NCAPD3: variants seen among roughly 807,000 people sequenced by gnomAD.
The protein encoded by NCAPD3 is non-SMC condensin II complex subunit D3.
A neutral mutation model predicts 182.9 loss-of-function variants in NCAPD3; 105 were observed. The observed-to-expected ratio is 0.57, with a 90% CI of 0.49 to 0.68. NCAPD3 has a LOEUF of 0.68. Ranked by LOEUF, NCAPD3 falls within the 30% of genes least tolerant of loss-of-function variation. The pLI is 0.00. For synonymous variants in NCAPD3, 815 were observed against 679.9 expected (o/e 1.20, Z -3.09); for missense variants, 1,944 against 1,837.0 (o/e 1.06, Z -1.07).
upstream of NCAPD3, chr11:134,225,219 A>G (rs759127190): frequency 6.2e-7 from 1 of 1,614,030 alleles, no homozygotes; most frequent in Non-Finnish European, 8.5e-7. Context: ...GGAGGACGGG[A>G]AGAAGGAGAA....
At chr11:134,205,852 A>G (rs1409884536) in intron 8 of NCAPD3, among the ~76,000 whole-genome samples, 1 of 152,208 alleles carries the variant, frequency 6.6e-6, no homozygotes, top group East Asian at 1.9e-4. Context: ...GTCCTTAGTG[A>G]GAGACATTTG....
intron 20 of NCAPD3, among the ~76,000 whole-genome samples, chr11:134,179,954 T>C (rs916851339): frequency 4.0e-5 from 6 of 151,766 alleles, no homozygotes; most frequent in Non-Finnish European, 7.4e-5. Context: ...AAACTATGTA[T>C]ATAGGGCAAA....
intron 3 of NCAPD3, 45 bp from the exon 4 acceptor site, chr11:134,210,499 T>G: frequency 1.3e-6 from 2 of 1,511,820 alleles, no homozygotes; most frequent in South Asian, 2.3e-5. Flanking sequence ...TTTAATTGTC[T>G]TGAAATATAT....
chr11:134,178,401 C>T (rs1591838071), intron 22 of NCAPD3: 1 of 363,476 alleles, frequency 2.8e-6, no homozygotes, highest in Admixed American at 4.5e-5. Context: ...TCCCTCTAGA[C>T]CCTCTAGAGA....
chr11:134,207,469 T>C (rs1591858589), intron 7 of NCAPD3, among the ~76,000 whole-genome samples: 2 of 152,040 alleles, frequency 1.3e-5, no homozygotes, highest in South Asian at 2.1e-4. Flanking sequence ...AAATACCGAC[T>C]GGGCGCAGTG....
Position 134,150,477 on chromosome 11 carries a change from G to A in NCAPD3, c.*2467C>T, listed in dbSNP as rs889044984. ...ATCCTTGGGCCCTGGCAGTGGCTGT[G>A]TCCCAGTGAGCTTTACTCACGTGGC... is the stretch of plus-strand genomic sequence containing the variant. On this transcript the variant is annotated 3_prime_UTR_variant, in exon 35 of 35. Coordinates refer to ENST00000534548, the MANE Select transcript of NCAPD3 (RefSeq NM_015261.3). The A allele has an allele frequency of 3.3e-5, 5 of 152,222 alleles. No homozygotes were observed. The highest frequency in any genetic ancestry group is 1.2e-4 in the African/African-American group (5 of 41,454). The allele number at this position is 152,222 out of a possible 1,614,324, so 9.4% of individuals were successfully genotyped here. A position where few individuals can be genotyped will look rare whatever the true frequency, so the allele number is the denominator to read the frequency against.
At chr11:134,154,807 C>T (rs1943374148) in intron 32 of NCAPD3, among the ~76,000 whole-genome samples, 1 of 152,220 alleles carries the variant, frequency 6.6e-6, no homozygotes, top group South Asian at 2.1e-4. Context: ...TGTGTCTTCC[C>T]ATTTACAGTT....
Position 134,153,195 on chromosome 11 carries a change from T to A in NCAPD3, c.4333A>T (p.Ile1445Phe), listed in dbSNP as rs1446917443. Residue 1445 changes from isoleucine to phenylalanine, a missense_variant, in exon 34 of 35, where the codon ATT (isoleucine) becomes TTT (phenylalanine). Physicochemically the swap from Ile to Phe is conservative, Grantham distance 21 (BLOSUM62 0). Transcript: ENST00000534548. ...PRTPSSAKEK[I>F]EGRSQGNDIL... is the part of the protein sequence containing the mutation. Reference sequence around the variant, plus strand: ...TCATTTCCTTGACTCCGGCCTTCAATTTTCTCTAAAAGGGAGTCAAACAAA... The same window carrying A: ...TCATTTCCTTGACTCCGGCCTTCAAATTTCTCTAAAAGGGAGTCAAACAAA... 6.2e-7 allele frequency: 1 copy of A among 1,614,136 alleles called. No homozygotes were observed. The highest frequency in any genetic ancestry group is 1.7e-5 in the Admixed American group (1 of 60,024).
chr11:134,184,594 G>A (rs1350828471), intron 19 of NCAPD3, 43 bp downstream of exon 19: 1 of 1,373,876 alleles, frequency 7.3e-7, no homozygotes, highest in Non-Finnish European at 1.0e-6. Context: ...AACATCCTAA[G>A]CTCAAAGAAG....
chr11:134,204,131 G>T lies in NCAPD3; in HGVS notation c.1130C>A (p.Ser377Tyr), dbSNP rs1191215356. The change falls in exon 10 of 35, where the codon TCC (serine) becomes TAC (tyrosine). Residue 377 changes from serine to tyrosine, a missense_variant. Physicochemically the swap from Ser to Tyr is moderately radical, Grantham distance 144 (BLOSUM62 -2). This residue lies in a region of NCAPD3 where 1,803 missense variants were observed against 1,674.6 expected (regional missense o/e 1.08). Coordinates refer to ENST00000534548, the MANE Select transcript of NCAPD3 (RefSeq NM_015261.3). This position sits in a 1 kb window ranked among gnomAD's most constrained non-coding sequence, Gnocchi z 4.3. ...KSEYRTFAAQ[S>Y]LVQLLSKLPC... ...AAGTTTACTGAGCAGCTGGACTAGG[G>T]ACTGGGCTGCAAAAGTACGATACTC... is the stretch of plus-strand genomic sequence containing the variant. 1 of 1,613,922 alleles carries T rather than the reference G, an allele frequency of 6.2e-7. No individual in the cohort carries two copies. The highest frequency in any genetic ancestry group is 1.3e-5 in the African/African-American group (1 of 74,916).
chr11:134,218,816 TG>T (rs1938121563), intron 2 of NCAPD3, among the ~76,000 whole-genome samples: 1 of 152,154 alleles, frequency 6.6e-6, no homozygotes, highest in African/African-American at 2.4e-5. Context: ...TCATAACACC[TG>T]GATCACCAAT....
chr11:134,223,499 C>T, intron 1 of NCAPD3: 4 of 702,128 alleles, frequency 5.7e-6, no homozygotes, highest in Non-Finnish European at 1.0e-5. Flanking sequence ...ACATGAAGTT[C>T]AAGAAATAAG....
chr11:134,208,255 GTTTCA>G (rs1937693695), intron 7 of NCAPD3, among the ~76,000 whole-genome samples: 1 of 152,130 alleles, frequency 6.6e-6, no homozygotes, highest in African/African-American at 2.4e-5. Flanking sequence ...AAATCTTATT[GTTTCA>G]TTTAAGACAT....
intron 13 of NCAPD3, among the ~76,000 whole-genome samples, chr11:134,202,094 T>C (rs1241792498): frequency 6.6e-6 from 1 of 152,240 alleles, no homozygotes; most frequent in Non-Finnish European, 1.5e-5. Context: ...CACAGACTTG[T>C]GCATCTCCAA....
chr11:134,158,233 A>G, intron 30 of NCAPD3, 96 bp downstream of exon 30: 1 of 1,553,400 alleles, frequency 6.4e-7, no homozygotes, highest in Non-Finnish European at 8.8e-7. Context: ...AGACAATGAC[A>G]ATGACTTTCC....
At chr11:134,158,212 G>C in intron 30 of NCAPD3, 117 bp downstream of exon 30, 1 of 1,527,256 alleles carries the variant, frequency 6.5e-7, no homozygotes, top group South Asian at 1.2e-5. Flanking sequence ...TGTGGAGCGG[G>C]GTGGCAGGCC....
chr11:134,168,080 T>C lies in NCAPD3; in HGVS notation c.3489A>G (p.Pro1163=). 1.2e-6 allele frequency: 2 copies of C among 1,614,182 alleles called. No homozygotes were observed. Among genetic ancestry groups the C allele is most frequent in the Non-Finnish European group, 1.7e-6 (2 of 1,180,004 alleles). The change falls in exon 27 of 35, where the codon CCA becomes CCG. Residue 1163 remains proline, a synonymous_variant. Transcript: ENST00000534548. ...CTTCTTCCATAAGGAGGTCTTTGTC[T>C]GGTTTAGATCTCATTGCCAAAAGCT... ...EIKLLAMRSK[P]DKDLLMEEDD... is the part of the protein sequence containing the mutation.
chr11:134,158,575 T>G, intron 29 of NCAPD3, 80 bp from the exon 30 acceptor site: 1 of 1,446,546 alleles, frequency 6.9e-7, no homozygotes. Context: ...TTGTACATGG[T>G]TGGGGGTCCA....
In NCAPD3 at chr11:134,152,922, G is replaced by C; in HGVS notation, c.*22C>G. ...CTTCCTCAAGGGCTCCTGCCTGCCT[G>C]GACACTGGTGGGAGGCGCTGTTTAG... On this transcript the variant is annotated 3_prime_UTR_variant, in exon 35 of 35. Coordinates refer to ENST00000534548, the MANE Select transcript of NCAPD3 (RefSeq NM_015261.3). 2 of 1,508,418 alleles carry C rather than the reference G, an allele frequency of 1.3e-6. No homozygotes were observed. Among genetic ancestry groups the C allele is most frequent in the Non-Finnish European group, 1.8e-6 (2 of 1,123,846 alleles). 93.4% of individuals were successfully genotyped at this position (1,508,418 alleles called of 1,614,324 possible).
Sources: allele counts gnomAD v4.1 joint callset (sites outside exome capture counted in the v4.1 genomes callset), GRCh38; gene constraint gnomAD v4.1.1; regional missense constraint gnomAD v4.1.1; non-coding constraint Gnocchi (gnomAD v3.1); transcripts MANE v1.5; gene names NCBI Gene and HGNC (gene_info 2026-07-23, HGNC 2026-07-21).